The following TPM3 variants were observed in gnomAD, a reference collection of about 807,000 sequenced individuals.
The protein encoded by TPM3 is tropomyosin alpha-3 chain.
In TPM3, 16 loss-of-function variants were observed where a neutral mutation model predicts 43.1. The ratio of observed to expected loss-of-function variants is 0.37; its 90% CI spans 0.25 to 0.56. TPM3 has a LOEUF of 0.56. Among genes scored for constraint, TPM3 ranks in the 20% least tolerant of loss-of-function variants. The pLI, the probability that TPM3 is intolerant of heterozygous loss-of-function variation, is 0.77. For missense variants in TPM3, 176 were observed against 337.2 expected (o/e 0.52, Z 3.74); for synonymous variants, 101 against 116.9 (o/e 0.86, Z 0.88).
chr1:154,185,486 A>C (rs1276212276), intron 2 of TPM3, among the ~76,000 whole-genome samples: 1 of 150,992 alleles, frequency 6.6e-6, no homozygotes, highest in African/African-American at 2.5e-5. Context: ...GTTCAAGACC[A>C]GCCTGGCCAA....
chr1:154,187,453 G>A, intron 2 of TPM3: 7 of 984,558 alleles, frequency 7.1e-6, no homozygotes, highest in Non-Finnish European at 8.4e-6. Context: ...CTAACAAAGG[G>A]GAGAGGGGTT....
In TPM3 at chr1:154,182,546, G is replaced by A. The variant is rs920725995; in HGVS notation, c.244-6298C>T. Among the ~76,000 whole-genome samples, 6 of 152,286 alleles carry A rather than the reference G, an allele frequency of 3.9e-5. No individual in the cohort carries two copies. In the East Asian group the frequency reaches 5.8e-4, roughly 15 times the overall value. ...CCAAAACCCTCACCATTTCACAGAA[G>A]GTTCAGTACTGCCCCTCCCCGAACA... On this transcript the variant is annotated intron_variant, in intron 2 of 9. Transcript: ENST00000651641.
At chr1:154,157,535 C>T, downstream of TPM3, 2 of 765,016 alleles carry the variant, frequency 2.6e-6, no homozygotes, top group South Asian at 2.7e-5. Context: ...AGCAGCCTTC[C>T]AGTTAAAGAT....
chr1:154,170,817 G>A, intron 6 of TPM3, 106 bp from the exon 7 acceptor site: 6 of 829,862 alleles, frequency 7.2e-6, no homozygotes, highest in Non-Finnish European at 1.2e-5. Context: ...CACTAAATGT[G>A]CTGAATGGTC....
chr1:154,180,778 C>T (rs1662853656), intron 2 of TPM3, among the ~76,000 whole-genome samples: 1 of 151,840 alleles, frequency 6.6e-6, no homozygotes, highest in Non-Finnish European at 1.5e-5. Flanking sequence ...AAAAAAAAAT[C>T]GCCGAGTGTG....
chr1:154,177,743 G>A (rs780047004), intron 2 of TPM3, among the ~76,000 whole-genome samples: 2 of 152,098 alleles, frequency 1.3e-5, no homozygotes, highest in African/African-American at 2.4e-5. Flanking sequence ...CACTAGCTCC[G>A]ATGAGGAAGA....
chr1:154,159,293 A>T (rs1660118588), downstream of TPM3, among the ~76,000 whole-genome samples: 1 of 152,222 alleles, frequency 6.6e-6, no homozygotes, highest in African/African-American at 2.4e-5. Context: ...TTGGTAGGAC[A>T]ACATTTTGAG....
chr1:154,191,404 A>G (rs1456984954), intron 1 of TPM3, 93 bp from the exon 2 acceptor site: 3 of 1,591,488 alleles, frequency 1.9e-6, no homozygotes, highest in African/African-American at 2.7e-5. Context: ...TGTAACCTCC[A>G]TGTTACCATC....
chr1:154,156,834 C>CTTCT (rs536007456), downstream of TPM3: 34 of 196,802 alleles, frequency 1.7e-4, no homozygotes, highest in East Asian at 5.6e-4. Context: ...AAAACACAGT[C>CTTCT]TTCTTTCTTT....
chr1:154,171,542 A>G (rs1015709121), intron 5 of TPM3, 54 bp from the exon 6 acceptor site: 11 of 1,584,988 alleles, frequency 6.9e-6, no homozygotes, highest in Non-Finnish European at 8.7e-6. Context: ...AAGAGAATAA[A>G]AAAAGGGAGA....
intron 3 of TPM3, among the ~76,000 whole-genome samples, chr1:154,175,686 A>G (rs911149835): frequency 6.6e-6 from 1 of 152,238 alleles, no homozygotes; most frequent in African/African-American, 2.4e-5. Flanking sequence ...ATAGAAGCTT[A>G]TGATCCAGAA....
intron 3 of TPM3, among the ~76,000 whole-genome samples, chr1:154,175,504 G>A (rs1341804607): frequency 6.6e-6 from 1 of 152,024 alleles, no homozygotes; most frequent in Admixed American, 6.5e-5. Context: ...AACCAGCGTT[G>A]AGAAGGCTTA....
At position 154,166,547 on chromosome 1, in the gene TPM3, A is replaced by T; in HGVS notation, c.*1390T>A. 3 of 1,057,542 alleles carry T rather than the reference A, an allele frequency of 2.8e-6. No individual in the cohort carries two copies. The highest frequency in any genetic ancestry group is 3.4e-6 in the Non-Finnish European group (3 of 874,430). The allele number at this position is 1,057,542 out of a possible 1,614,324, so 65.5% of individuals were successfully genotyped here. The stretch of plus-strand genomic sequence containing the variant: ...AGTACAGGCAAGTGCCATTGCACCC[A>T]GCTAAAAGAAAAGCAAATTTTAAAT... On this transcript the variant is annotated 3_prime_UTR_variant, in exon 10 of 10. Transcript: ENST00000651641.
chr1:154,159,884 A>G (rs1362537872), downstream of TPM3, among the ~76,000 whole-genome samples: 1 of 152,114 alleles, frequency 6.6e-6, no homozygotes, highest in Non-Finnish European at 1.5e-5. Context: ...AAAGACCAAG[A>G]GAATCATGGA....
At chr1:154,183,147 C>A in intron 2 of TPM3, 5 of 1,597,664 alleles carry the variant, frequency 3.1e-6, no homozygotes, top group Non-Finnish European at 4.2e-6. Context: ...TGCTCGCGCT[C>A]CGGTTCCTGC....
At chr1:154,180,108 A>G (rs1231976021) in intron 2 of TPM3, among the ~76,000 whole-genome samples, 1 of 152,204 alleles carries the variant, frequency 6.6e-6, no homozygotes, top group African/African-American at 2.4e-5. Flanking sequence ...TACAGAACTG[A>G]AAGTAAATTT....
rs1660783818 is a variant in TPM3, at chr1:154,164,983, T to C, written c.*2954A>G. On this transcript the variant is annotated 3_prime_UTR_variant, in exon 10 of 10. Transcript: ENST00000651641. ...CAAGTAAAATTATAACTCCTCAGCC[T>C]CATTTTAAGACACAACCTGTTCCCT... Among the ~76,000 whole-genome samples the C allele has an allele frequency of 6.6e-6, 1 of 152,222 alleles. No individual in the cohort carries two copies.
Position 154,165,307 on chromosome 1 carries a change from A to T in TPM3, c.*2630T>A, listed in dbSNP as rs767983989. 6.6e-6 allele frequency among the ~76,000 whole-genome samples: 1 copy of T among 152,142 alleles called. No homozygotes were observed. The highest frequency in any genetic ancestry group is 2.4e-5 in the African/African-American group (1 of 41,424). ...TGAGACAGGAGAATCGCTTGAACTC[A>T]AGAAGCAGAGGTTGCAGTGAGCCAT... On this transcript the variant is annotated 3_prime_UTR_variant, in exon 10 of 10. Coordinates refer to ENST00000651641, the MANE Select transcript of TPM3 (RefSeq NM_152263.4).
At chr1:154,159,735 G>C (rs1660156451), downstream of TPM3, among the ~76,000 whole-genome samples, 1 of 152,142 alleles carries the variant, frequency 6.6e-6, no homozygotes, top group South Asian at 2.1e-4. Flanking sequence ...CTTGCAGCTA[G>C]GGGTGATCAT....
Sources: allele counts gnomAD v4.1 joint callset (sites outside exome capture counted in the v4.1 genomes callset), GRCh38; gene constraint gnomAD v4.1.1; transcripts MANE v1.5; gene names NCBI Gene and HGNC (gene_info 2026-07-23, HGNC 2026-07-21).